Variants in RAP1GDS1 observed in about 807,000 individuals in gnomAD.
RAP1GDS1 encodes Rap1 GTPase-GDP dissociation stimulator 1.
Under a neutral mutation model 71.1 loss-of-function variants are expected in RAP1GDS1, and 35 were observed. The ratio of observed to expected loss-of-function variants is 0.49; its 90% CI spans 0.38 to 0.65. The LOEUF (loss-of-function observed/expected upper bound fraction) is 0.65. RAP1GDS1 is among the 30% of genes least tolerant of loss of function. RAP1GDS1 has a pLI of 0.00. For synonymous variants in RAP1GDS1, 229 were observed against 243.1 expected (o/e 0.94, Z 0.54); for missense variants, 663 against 706.1 (o/e 0.94, Z 0.69).
intron 14 of RAP1GDS1, among the ~76,000 whole-genome samples, chr4:98,437,904 G>T (rs1223941542): frequency 6.6e-6 from 1 of 152,038 alleles, no homozygotes; most frequent in Non-Finnish European, 1.5e-5. Flanking sequence ...GTATTATGCA[G>T]TTATTGGGTA....
intron 1 of RAP1GDS1, among the ~76,000 whole-genome samples, chr4:98,278,915 A>G (rs1724627970): frequency 6.6e-6 from 1 of 152,176 alleles, no homozygotes; most frequent in African/African-American, 2.4e-5. Context: ...TTAAAAAGTC[A>G]TCATAGTATA....
At chr4:98,331,308 G>A (rs1025843668) in intron 2 of RAP1GDS1, among the ~76,000 whole-genome samples, 2 of 151,302 alleles carry the variant, frequency 1.3e-5, no homozygotes, top group Non-Finnish European at 2.9e-5. Context: ...ACGAAGGAGA[G>A]GGGGAGACCG....
intron 2 of RAP1GDS1, among the ~76,000 whole-genome samples, chr4:98,335,550 GTTTT>G (rs33949671): frequency 6.7e-6 from 1 of 148,586 alleles, no homozygotes; most frequent in South Asian, 2.1e-4. Flanking sequence ...ATATGAAAAA[GTTTT>G]TTTTTTATTT....
intron 7 of RAP1GDS1, among the ~76,000 whole-genome samples, chr4:98,412,230 T>G (rs1022939435): frequency 6.6e-6 from 1 of 152,204 alleles, no homozygotes; most frequent in Non-Finnish European, 1.5e-5. Context: ...TAAAAATTTC[T>G]GGCCAGGTAC....
At chr4:98,327,330 GAGA>G (rs1321493599) in intron 2 of RAP1GDS1, among the ~76,000 whole-genome samples, 1 of 152,176 alleles carries the variant, frequency 6.6e-6, no homozygotes, top group Non-Finnish European at 1.5e-5. Flanking sequence ...AGAAAAAAAT[GAGA>G]AGGATTACAT....
At chr4:98,289,880 G>C (rs1259884662) in intron 1 of RAP1GDS1, among the ~76,000 whole-genome samples, 1 of 151,922 alleles carries the variant, frequency 6.6e-6, no homozygotes, top group Non-Finnish European at 1.5e-5. Flanking sequence ...CTAGGTACTT[G>C]AAAACCACAT....
At position 98,348,429 on chromosome 4, in the gene RAP1GDS1, G is replaced by A. The variant is rs186598402; in HGVS notation, c.236-4047G>A. Among the ~76,000 whole-genome samples, 55 of 152,278 alleles carry A rather than the reference G, an allele frequency of 3.6e-4. No individual in the cohort carries two copies. The East Asian group carries it at 9.5e-3, about 26-fold the overall frequency. ...ATGAATAGTGCCACAGTAAACATAC[G>A]TGTGCATGTGTCTTTATAGCAGCAT... On this transcript the variant is annotated intron_variant, in intron 3 of 14. Coordinates refer to ENST00000408927, the MANE Select transcript of RAP1GDS1 (RefSeq NM_001100427.2).
At chr4:98,339,889 G>A (rs542509369) in intron 2 of RAP1GDS1, among the ~76,000 whole-genome samples, 42 of 152,120 alleles carry the variant, frequency 2.8e-4, no homozygotes, top group Non-Finnish European at 4.7e-4. Context: ...CAGCCATTGT[G>A]GAAATTAGCT....
rs1254578973 is a variant in RAP1GDS1, at chr4:98,391,968, G to A, written c.525G>A (p.Gln175=). The A allele has an allele frequency of 1.2e-6, 2 of 1,601,778 alleles. No homozygotes were observed. The highest frequency in any genetic ancestry group is 1.7e-4 in the Middle Eastern group (1 of 5,972). Residue 175 remains glutamine (Q), a synonymous_variant, in exon 6 of 15, where the codon CAG becomes CAA. Transcript: ENST00000408927. ...YSNENDSLQA[Q]LINMGVIPTL... is the part of the protein sequence containing the mutation. The stretch of plus-strand genomic sequence containing the variant: ...TTTTTACAGATTCGCTTCAAGCTCA[G>A]CTTATCAATATGGGTGTTATTCCTA...
At chr4:98,341,730 T>TA (rs948011559) in intron 2 of RAP1GDS1, among the ~76,000 whole-genome samples, 16 of 152,144 alleles carry the variant, frequency 1.1e-4, no homozygotes, top group African/African-American at 3.9e-4. Context: ...AAAAAAAATC[T>TA]TAGGTGTCAC....
At chr4:98,293,966 TTAAAA>T (rs1474166246) in intron 2 of RAP1GDS1, among the ~76,000 whole-genome samples, 1 of 152,176 alleles carries the variant, frequency 6.6e-6, no homozygotes. Context: ...TAATTGTACC[TTAAAA>T]TAATATGTAT....
intron 2 of RAP1GDS1, among the ~76,000 whole-genome samples, chr4:98,313,898 T>A (rs987325708): frequency 4.6e-5 from 7 of 152,118 alleles, no homozygotes; most frequent in African/African-American, 1.4e-4. Context: ...TTCATTGAAA[T>A]AAACCTCACA....
chr4:98,395,443 C>A (rs1466721615), intron 6 of RAP1GDS1, among the ~76,000 whole-genome samples: 1 of 152,112 alleles, frequency 6.6e-6, no homozygotes, highest in Non-Finnish European at 1.5e-5. Flanking sequence ...GTATACCATG[C>A]CAGCCTGTGC....
At chr4:98,358,897 T>C (rs1738322792) in intron 4 of RAP1GDS1, among the ~76,000 whole-genome samples, 1 of 152,014 alleles carries the variant, frequency 6.6e-6, no homozygotes, top group Non-Finnish European at 1.5e-5. Flanking sequence ...GTGCTTTTTT[T>C]TTTTAAATAA....
rs1311844298 is a variant in RAP1GDS1 at position 98,324,518 on chromosome 4, C to T, written c.113-18621C>T. 1.4e-5 allele frequency among the ~76,000 whole-genome samples: 2 copies of T among 146,138 alleles called. 1 individual carries two copies. The highest frequency in any genetic ancestry group is 5.4e-5 in the African/African-American group (2 of 37,252). On this transcript the variant is annotated intron_variant, in intron 2 of 14. Transcript: ENST00000408927. Reference sequence around the variant, plus strand: ...AGACATCACACTACCTGACTTCAAACTATACTACAAGGCTACAGTAACCAA... The same window carrying T: ...AGACATCACACTACCTGACTTCAAATTATACTACAAGGCTACAGTAACCAA...
At chr4:98,281,083 G>A (rs1725013607) in intron 1 of RAP1GDS1, among the ~76,000 whole-genome samples, 1 of 152,144 alleles carries the variant, frequency 6.6e-6, no homozygotes, top group Admixed American at 6.5e-5. Context: ...GGATTGTCTT[G>A]GCAATGTGGG....
chr4:98,299,407 C>T (rs993549331), intron 2 of RAP1GDS1, among the ~76,000 whole-genome samples: 3 of 152,122 alleles, frequency 2.0e-5, no homozygotes, highest in Non-Finnish European at 2.9e-5. Context: ...AAAATATCAA[C>T]ATTAACAGGA....
In RAP1GDS1 at chr4:98,311,017, G is replaced by A. The variant is rs60467192; in HGVS notation, c.112+17502G>A. 5.0e-3 allele frequency among the ~76,000 whole-genome samples: 755 copies of A among 152,160 alleles called. 7 individuals are homozygous for A. The highest frequency in any genetic ancestry group is 0.018 in the South Asian group (86 of 4,816). On this transcript the variant is annotated intron_variant, in intron 2 of 14. Transcript: ENST00000408927. ...AAGATTGTTAAATCGTAAATACTTA[G>A]GCCCTATCCCCAGAGACTCTGATTC...
At chr4:98,438,893 G>A (rs867359626) in intron 14 of RAP1GDS1, among the ~76,000 whole-genome samples, 1 of 151,792 alleles carries the variant, frequency 6.6e-6, no homozygotes, top group Admixed American at 6.6e-5. Context: ...GAGCCACCAC[G>A]CCCAGCCTCT....
Sources: gnomAD v4.1 joint callset for allele counts (sites outside exome capture counted in the v4.1 genomes callset) on GRCh38, gnomAD v4.1.1 for gene constraint, MANE v1.5 for transcripts, NCBI Gene and HGNC (gene_info 2026-07-23, HGNC 2026-07-21) for gene names.